OAS3: variants seen among roughly 807,000 people sequenced by gnomAD.
The protein encoded by OAS3 is 2'-5'-oligoadenylate synthetase 3.
Under a neutral mutation model 113.0 loss-of-function variants are expected in OAS3, and 107 were observed. That is an observed-to-expected ratio of 0.95 (90% confidence interval 0.81 to 1.11). The LOEUF (loss-of-function observed/expected upper bound fraction) is 1.11, where lower values mean the gene tolerates loss of function less well. OAS3 is among the 50% of genes most tolerant of loss of function. The pLI is 0.00. For missense variants in OAS3, 1,258 were observed against 1,389.1 expected (o/e 0.91, Z 1.50); for synonymous variants, 552 against 573.6 (o/e 0.96, Z 0.54).
intron 7 of OAS3, 23 bp from the exon 8 acceptor site, chr12:112,961,048 C>G: frequency 6.2e-7 from 1 of 1,610,496 alleles, no homozygotes; most frequent in Non-Finnish European, 8.5e-7. Flanking sequence ...GTTGCACACT[C>G]AGGGTGTTTC....
At chr12:112,960,936 G>A (rs1419442099) in intron 7 of OAS3, 135 bp from the exon 8 acceptor site, 4 of 828,198 alleles carry the variant, frequency 4.8e-6, no homozygotes, top group East Asian at 2.7e-5. Context: ...GTTATTCAAT[G>A]TTATAGTGTA....
rs372019520 is a variant in OAS3 at position 112,966,067 on chromosome 12, C to A, written c.2689+38C>A. 1.4e-5 allele frequency: 23 copies of A among 1,606,600 alleles called. No homozygotes were observed. In the African/African-American group the frequency reaches 2.5e-4, roughly 18 times the overall value. ...GGCGTAGACCTGAGAGGGGGAAATACAGAGGCAGGGCCGCCATGGGCAGTT... is the reference window on the plus strand; with the variant it reads ...GGCGTAGACCTGAGAGGGGGAAATAAAGAGGCAGGGCCGCCATGGGCAGTT... On this transcript the variant is annotated intron_variant, in intron 12 of 15. Transcript: ENST00000228928.
At chr12:112,940,600 C>G (rs1369856182) in intron 1 of OAS3, among the ~76,000 whole-genome samples, 1 of 152,224 alleles carries the variant, frequency 6.6e-6, no homozygotes, top group Non-Finnish European at 1.5e-5. Context: ...AGTCATACCA[C>G]AGTTCTGTAC....
Position 112,944,651 on chromosome 12 carries a change from G to A in OAS3, c.636G>A (p.Gln212=), listed in dbSNP as rs771526631. ...LILLVKHWYH[Q]VCLQGLWKET... Reference sequence around the variant, plus strand: ...TGCTGGTGAAGCACTGGTACCACCAGGTGAAGCCACTTGGAAGGGTTTCTC... The same window carrying A: ...TGCTGGTGAAGCACTGGTACCACCAAGTGAAGCCACTTGGAAGGGTTTCTC... The change falls in exon 3 of 16, where the codon CAG becomes CAA. Residue 212 remains glutamine (Q), a splice_region_variant and synonymous_variant. Coordinates refer to ENST00000228928, the MANE Select transcript of OAS3 (RefSeq NM_006187.4). 8.1e-6 allele frequency: 13 copies of A among 1,613,862 alleles called. No homozygotes were observed.
At chr12:112,944,779 C>A in intron 3 of OAS3, 128 bp downstream of exon 3, 2 of 983,182 alleles carry the variant, frequency 2.0e-6, no homozygotes, top group Non-Finnish European at 3.1e-6. Flanking sequence ...TGTTTATGTC[C>A]CTTGTGCATT....
chr12:112,948,109 G>C lies in OAS3; in HGVS notation c.1029+10G>C, dbSNP rs770982114. 2.0e-6 allele frequency: 3 copies of C among 1,516,302 alleles called. No individual in the cohort carries two copies. The allele number at this position is 1,516,302 out of a possible 1,614,324, so 93.9% of individuals were successfully genotyped here. A position where few individuals can be genotyped will look rare whatever the true frequency, so the allele number is the denominator to read the frequency against. The stretch of plus-strand genomic sequence containing the variant: ...GTCTTGGAAGGGGCCGGTAAGTGAG[G>C]GGGCCCCAGGACCCTTGGGTTTTGC... On this transcript the variant is annotated intron_variant, in intron 5 of 15. Transcript: ENST00000228928.
chr12:112,970,010 A>G lies in OAS3; in HGVS notation c.*37A>G. 3.1e-6 allele frequency: 5 copies of G among 1,602,914 alleles called. No individual in the cohort carries two copies. The highest frequency in any genetic ancestry group is 4.3e-6 in the Non-Finnish European group (5 of 1,174,370). On this transcript the variant is annotated 3_prime_UTR_variant, in exon 16 of 16. Transcript: ENST00000228928. ...TCAGCGGTCCTACTGGATGAAGAGA[A>G]GATGGACACCAGCCCTCAGCATGAG...
intron 1 of OAS3, among the ~76,000 whole-genome samples, chr12:112,940,896 A>G (rs1161562480): frequency 6.6e-6 from 1 of 152,190 alleles, no homozygotes; most frequent in Non-Finnish European, 1.5e-5. Context: ...CCAGCTACTC[A>G]GGAGGCTCAG....
intron 7 of OAS3, among the ~76,000 whole-genome samples, chr12:112,953,674 G>A (rs1325251610): frequency 2.6e-5 from 4 of 151,836 alleles, no homozygotes; most frequent in Non-Finnish European, 5.9e-5. Flanking sequence ...TTTAATGATC[G>A]CCATTCTAAC....
rs369470156 is a variant in OAS3, at chr12:112,950,891, C to G, written c.1573C>G (p.Pro525Ala). 18 of 1,613,902 alleles carry G rather than the reference C, an allele frequency of 1.1e-5. No individual in the cohort carries two copies. The highest frequency in any genetic ancestry group is 1.5e-5 in the Non-Finnish European group (18 of 1,179,900). The change falls in exon 7 of 16, where the codon CCT becomes GCT. Residue 525 changes from proline to alanine, a missense_variant. Physicochemically the swap from Pro to Ala is conservative, Grantham distance 27. Transcript: ENST00000228928. The part of the protein sequence containing the change: ...LSLQFPEQNV[P>A]EALQFQLVST... ...CCTTCAGTTTCCTGAGCAGAATGTGCCTGAGGCTCTGCAGTTCCAGCTGGT... is the reference window on the plus strand; with the variant it reads ...CCTTCAGTTTCCTGAGCAGAATGTGGCTGAGGCTCTGCAGTTCCAGCTGGT...
intron 3 of OAS3, 70 bp from the exon 4 acceptor site, chr12:112,946,673 G>T (rs1252725988): frequency 7.2e-7 from 1 of 1,379,830 alleles, no homozygotes; most frequent in African/African-American, 1.4e-5. Context: ...CCCCAGTCTG[G>T]TTATGCAGAG....
intron 7 of OAS3, among the ~76,000 whole-genome samples, chr12:112,951,604 A>G (rs1310218739): frequency 6.6e-6 from 1 of 152,094 alleles, no homozygotes; most frequent in Non-Finnish European, 1.5e-5. Context: ...GCATTTACTT[A>G]TTATGTTTTT....
In OAS3 at chr12:112,973,063, G is replaced by C. The variant is rs1346930171; in HGVS notation, c.*3090G>C. 6.6e-6 allele frequency: 1 copy of C among 152,060 alleles called. No homozygotes were observed. Among genetic ancestry groups the C allele is most frequent in the African/African-American group, 2.4e-5 (1 of 41,402 alleles). 9.4% of individuals were successfully genotyped at this position (152,060 alleles called of 1,614,324 possible). ...CTTATATCCAGCATATTCATAACTAGAGCCATATCACAGATGCATTCATCA... is the reference window on the plus strand; with the variant it reads ...CTTATATCCAGCATATTCATAACTACAGCCATATCACAGATGCATTCATCA... On this transcript the variant is annotated 3_prime_UTR_variant, in exon 16 of 16. Coordinates refer to ENST00000228928, the MANE Select transcript of OAS3 (RefSeq NM_006187.4).
Position 112,962,622 on chromosome 12 carries a change from C to T in OAS3, c.1834-30C>T. The T allele has an allele frequency of 3.7e-6, 6 of 1,606,984 alleles. No homozygotes were observed. In the African/African-American group the frequency reaches 4.0e-5, roughly 11 times the overall value. On this transcript the variant is annotated intron_variant, in intron 8 of 15. Coordinates refer to ENST00000228928, the MANE Select transcript of OAS3 (RefSeq NM_006187.4). ...ACACTCAGCTCACATCCACTAATCA[C>T]TCATCTTTGGTTGGCCTTGTGTGAC...
rs2043970190 is a variant in OAS3, at chr12:112,970,013, T to C, written c.*40T>C. On this transcript the variant is annotated 3_prime_UTR_variant, in exon 16 of 16. Transcript: ENST00000228928. ...GCGGTCCTACTGGATGAAGAGAAGA[T>C]GGACACCAGCCCTCAGCATGAGGAA... is the stretch of plus-strand genomic sequence containing the variant. The C allele has an allele frequency of 6.2e-7, 1 of 1,601,638 alleles. No individual in the cohort carries two copies. The highest frequency in any genetic ancestry group is 8.5e-7 in the Non-Finnish European group (1 of 1,173,608).
In OAS3 at chr12:112,967,988, A is replaced by G. The variant is rs1230938963; in HGVS notation, c.2918A>G (p.Glu973Gly). ...RGSLPPQHGL[E>G]LLTVYAWEQG... Reference sequence around the variant, plus strand: ...TCCCTACCCCCACAGCACGGGCTGGAACTCCTGACTGTGTATGCCTGGGAG... The same window carrying G: ...TCCCTACCCCCACAGCACGGGCTGGGACTCCTGACTGTGTATGCCTGGGAG... The change falls in exon 14 of 16, where the codon GAA (glutamate) becomes GGA (glycine). Residue 973 changes from glutamate (E) to glycine (G), a missense_variant. By Grantham distance (98) the Glu-to-Gly change is moderately conservative. Transcript: ENST00000228928. 6.2e-7 allele frequency: 1 copy of G among 1,614,044 alleles called. No individual in the cohort carries two copies. The highest frequency in any genetic ancestry group is 8.5e-7 in the Non-Finnish European group (1 of 1,179,888).
rs776201681 is a variant in OAS3, at chr12:112,961,194, G to A, written c.1781G>A (p.Arg594His). The A allele has an allele frequency of 3.9e-5, 63 of 1,613,856 alleles. 1 individual carries two copies. The highest frequency in any genetic ancestry group is 6.7e-5 in the Admixed American group (4 of 60,008). ...CTGCGGAGGAACTTCATGAACATTC[G>A]CCCTGTCAAGCTGAAGAACCTGATT... Reference protein sequence around the residue: ...AELRRNFMNIRPVKLKNLILL... With the variant: ...AELRRNFMNIHPVKLKNLILL... Residue 594 changes from arginine (R) to histidine (H), a missense_variant, in exon 8 of 16, where the codon CGC becomes CAC. Arg to His is a conservative substitution (Grantham distance 29). Coordinates refer to ENST00000228928, the MANE Select transcript of OAS3 (RefSeq NM_006187.4).
In OAS3 at chr12:112,968,075, T is replaced by C. The variant is rs2043952770; in HGVS notation, c.3005T>C (p.Val1002Ala). ...AEGFRTVLEL[V>A]TQYRQLCIYW... ...GGCTTCCGCACGGTCCTGGAGCTGG[T>C]CACCCAGTACCGCCAGCTCTGTATC... is the stretch of plus-strand genomic sequence containing the variant. Residue 1002 changes from valine (V) to alanine (A), a missense_variant, in exon 14 of 16, where the codon GTC (valine) becomes GCC (alanine). By Grantham distance (64) the Val-to-Ala change is moderately conservative. Transcript: ENST00000228928. 1.9e-6 allele frequency: 3 copies of C among 1,613,992 alleles called. No individual in the cohort carries two copies. The highest frequency in any genetic ancestry group is 2.5e-6 in the Non-Finnish European group (3 of 1,179,880).
At position 112,964,339 on chromosome 12, in the gene OAS3, T is replaced by C. The variant is rs919625457; in HGVS notation, c.2334T>C (p.Asp778=). The C allele has an allele frequency of 6.2e-7, 1 of 1,612,064 alleles. No individual in the cohort carries two copies. Among genetic ancestry groups the C allele is most frequent in the Non-Finnish European group, 8.5e-7 (1 of 1,179,176 alleles). The change falls in exon 11 of 16, where the codon GAT becomes GAC. Residue 778 remains aspartate, a synonymous_variant. Coordinates refer to ENST00000228928, the MANE Select transcript of OAS3 (RefSeq NM_006187.4). The part of the protein sequence containing the change: ...QFLAQVNKAV[D]TICSFLKENC... ...TGGCCCAGGTGAACAAGGCCGTTGA[T>C]ACCATCTGTTCATTTTTGAAGGAAA... is the stretch of plus-strand genomic sequence containing the variant.
Sources: gnomAD v4.1 joint callset for allele counts (sites outside exome capture counted in the v4.1 genomes callset) on GRCh38, gnomAD v4.1.1 for gene constraint, MANE v1.5 for transcripts, NCBI Gene and HGNC (gene_info 2026-07-23, HGNC 2026-07-21) for gene names.